FRAS1: variants seen among roughly 807,000 people sequenced by gnomAD.
The protein encoded by FRAS1 is extracellular matrix organizing protein FRAS1.
Under a neutral mutation model 435.2 loss-of-function variants are expected in FRAS1, and 290 were observed. The observed-to-expected ratio is 0.67, with a 90% CI of 0.61 to 0.73. The LOEUF (loss-of-function observed/expected upper bound fraction) is 0.73. Among genes scored for constraint, FRAS1 ranks in the 30% least tolerant of loss-of-function variants. The pLI, the probability that FRAS1 is intolerant of heterozygous loss-of-function variation, is 0.00. For synonymous variants in FRAS1, 1,800 were observed against 1,851.0 expected (o/e 0.97, Z 0.71); for missense variants, 4,860 against 5,001.5 (o/e 0.97, Z 0.85).
intron 63 of FRAS1, among the ~76,000 whole-genome samples, chr4:78,509,277 C>T (rs898971356): frequency 2.6e-5 from 4 of 152,218 alleles, no homozygotes; most frequent in Non-Finnish European, 2.9e-5. Flanking sequence ...CTCTGAGTCT[C>T]AGTCTCCTGA....
intron 15 of FRAS1, 55 bp downstream of exon 15, chr4:78,308,264 T>G: frequency 6.4e-7 from 1 of 1,564,116 alleles, no homozygotes; most frequent in Non-Finnish European, 8.7e-7. Context: ...TTCCAGCATC[T>G]CTTGTTGTAT....
chr4:78,237,451 T>C (rs1724807921), intron 2 of FRAS1, 59 bp from the exon 3 acceptor site: 12 of 1,213,822 alleles, frequency 9.9e-6, no homozygotes, highest in Non-Finnish European at 1.5e-5. Context: ...TGGTGCAGCT[T>C]TTGTGTGCTC....
At chr4:78,507,088 T>C (rs536952754) in intron 61 of FRAS1, among the ~76,000 whole-genome samples, 2 of 152,134 alleles carry the variant, frequency 1.3e-5, no homozygotes, top group East Asian at 3.9e-4. Flanking sequence ...AAAGAAAAAT[T>C]AAGCAAAAAA....
chr4:78,535,336 G>A (rs988222309), intron 71 of FRAS1, among the ~76,000 whole-genome samples: 4 of 152,166 alleles, frequency 2.6e-5, no homozygotes, highest in Non-Finnish European at 5.9e-5. Context: ...ACTGTTCTGC[G>A]GCCATTCCAT....
Position 78,466,398 on chromosome 4 carries a change from CA to C in FRAS1, c.7223del (p.Asn2408ThrfsTer14), listed in dbSNP as rs1353074407. The C allele has an allele frequency of 6.2e-7, 1 of 1,613,880 alleles. No homozygotes were observed. Among genetic ancestry groups the C allele is most frequent in the Non-Finnish European group, 8.5e-7 (1 of 1,179,818 alleles). Reference protein sequence around the residue: ...DRFTFTVSDGTNPFFIIEEGG... With the variant: ...DRFTFTVSDGXNPFFIIEEGG... ...TTCACCTTCACTGTTTCTGATGGGA[CA>C]AACCCCTTCTTTATCATTGAGGAAG... On this transcript the variant is annotated frameshift_variant, in exon 50 of 74. Coordinates refer to ENST00000512123, the MANE Select transcript of FRAS1 (RefSeq NM_025074.7). LOFTEE classifies it high-confidence loss of function.
At chr4:78,159,550 A>G (rs867814997) in intron 2 of FRAS1, among the ~76,000 whole-genome samples, 2 of 152,308 alleles carry the variant, frequency 1.3e-5, no homozygotes, top group Middle Eastern at 3.4e-3. Flanking sequence ...GTTTGCAGTA[A>G]TGATTCCAAA....
At chr4:78,460,215 G>T (rs769945936) in intron 47 of FRAS1, among the ~76,000 whole-genome samples, 2 of 152,192 alleles carry the variant, frequency 1.3e-5, no homozygotes, top group Non-Finnish European at 2.9e-5. Context: ...TTTCTTCAGA[G>T]ATGCTTTATT....
At chr4:78,255,161 A>C (rs1725732292) in intron 5 of FRAS1, 81 bp from the exon 6 acceptor site, 3 of 1,407,556 alleles carry the variant, frequency 2.1e-6, no homozygotes, top group East Asian at 2.5e-5. Flanking sequence ...GACCAACTGC[A>C]CTGGCTGCAC....
intron 8 of FRAS1, 40 bp from the exon 9 acceptor site, chr4:78,267,201 C>A: frequency 6.3e-7 from 1 of 1,591,964 alleles, no homozygotes; most frequent in South Asian, 1.1e-5. Flanking sequence ...GTTTCACCGT[C>A]TCCTGAGGAC....
At chr4:78,239,151 C>A (rs921361101) in intron 3 of FRAS1, among the ~76,000 whole-genome samples, 3 of 152,154 alleles carry the variant, frequency 2.0e-5, no homozygotes, top group African/African-American at 7.2e-5. Flanking sequence ...CAGAAAAAGT[C>A]TCCCATCTTT....
At chr4:78,191,379 T>A (rs1446932161) in intron 2 of FRAS1, among the ~76,000 whole-genome samples, 1 of 152,190 alleles carries the variant, frequency 6.6e-6, no homozygotes, top group Non-Finnish European at 1.5e-5. Flanking sequence ...TTTTGGATCA[T>A]CAGTTAAACC....
intron 30 of FRAS1, among the ~76,000 whole-genome samples, chr4:78,405,412 T>C (rs1234871021): frequency 6.6e-6 from 1 of 152,188 alleles, no homozygotes; most frequent in Non-Finnish European, 1.5e-5. Context: ...TGGAATTTTT[T>C]TCTACTTGAG....
At chr4:78,522,367 T>C (rs1308408456) in intron 68 of FRAS1, among the ~76,000 whole-genome samples, 1 of 152,186 alleles carries the variant, frequency 6.6e-6, no homozygotes, top group Non-Finnish European at 1.5e-5. Flanking sequence ...CCCCTATTAT[T>C]GTGAATATAC....
At chr4:78,537,358 C>T (rs1721917868) in intron 72 of FRAS1, among the ~76,000 whole-genome samples, 158 bp downstream of exon 72, 1 of 152,212 alleles carries the variant, frequency 6.6e-6, no homozygotes, top group Non-Finnish European at 1.5e-5. Flanking sequence ...AATACTAGTA[C>T]ATAGGTGGTA....
Position 78,333,268 on chromosome 4 carries a change from C to T in FRAS1, c.2138-4C>T, listed in dbSNP as rs761112583. Reference sequence around the variant, plus strand: ...TTGTCTCCTTTGCTTTATCTTTCCCCCAGCTTGCCACCAGTCCTGTTTCAG... The same window carrying T: ...TTGTCTCCTTTGCTTTATCTTTCCCTCAGCTTGCCACCAGTCCTGTTTCAG... On this transcript the variant is annotated splice_region_variant and splice_polypyrimidine_tract_variant and intron_variant, in intron 18 of 73. Coordinates refer to ENST00000512123, the MANE Select transcript of FRAS1 (RefSeq NM_025074.7). 2.5e-6 allele frequency: 4 copies of T among 1,600,312 alleles called. No individual in the cohort carries two copies. Among genetic ancestry groups the T allele is most frequent in the African/African-American group, 2.7e-5 (2 of 74,496 alleles).
intron 9 of FRAS1, among the ~76,000 whole-genome samples, chr4:78,275,127 A>AG (rs1726930499): frequency 6.6e-6 from 1 of 152,108 alleles, no homozygotes; most frequent in Non-Finnish European, 1.5e-5. Flanking sequence ...ATCAGAGACT[A>AG]GATTGCAACC....
At position 78,406,913 on chromosome 4, in the gene FRAS1, A is replaced by G. The variant is rs2110352273; in HGVS notation, c.4130-750A>G. ...CTCCAAAATCCATAACGTTGAAAGC[A>G]CTGACATGATGCCACAAGTGGAAAA... On this transcript the variant is annotated intron_variant, in intron 30 of 73. Coordinates refer to ENST00000512123, the MANE Select transcript of FRAS1 (RefSeq NM_025074.7). Among the ~76,000 whole-genome samples the G allele has an allele frequency of 1.3e-5, 2 of 152,330 alleles. 1 individual carries two copies. The highest frequency in any genetic ancestry group is 2.9e-5 in the Non-Finnish European group (2 of 68,036).
chr4:78,346,262 A>G (rs1730601942), intron 20 of FRAS1, among the ~76,000 whole-genome samples: 1 of 152,156 alleles, frequency 6.6e-6, no homozygotes, highest in South Asian at 2.1e-4. Context: ...CCCACTAATA[A>G]CTCATGTTTA....
In FRAS1 at chr4:78,057,641, C is replaced by G. The variant is rs2109833958; in HGVS notation, c.-369C>G. ...GTCGGGGACCCGGGATCGGAAGGGTCTAGCCCGAGGGAAATGCTGGAAGAT... is the reference window on the plus strand; with the variant it reads ...GTCGGGGACCCGGGATCGGAAGGGTGTAGCCCGAGGGAAATGCTGGAAGAT... On this transcript the variant is annotated 5_prime_UTR_variant, in exon 1 of 74. Transcript: ENST00000512123. The surrounding 1 kb of genome is among the most constrained non-coding windows in gnomAD (Gnocchi z 4.2). 1 of 309,780 alleles carries G rather than the reference C, an allele frequency of 3.2e-6. No homozygotes were observed. The highest frequency in any genetic ancestry group is 4.6e-5 in the Admixed American group (1 of 21,820). The allele number at this position is 309,780 out of a possible 1,614,324, so 19.2% of individuals were successfully genotyped here.
Sources: allele counts gnomAD v4.1 joint callset (sites outside exome capture counted in the v4.1 genomes callset), GRCh38; gene constraint gnomAD v4.1.1; non-coding constraint Gnocchi (gnomAD v3.1); transcripts MANE v1.5; gene names NCBI Gene and HGNC (gene_info 2026-07-23, HGNC 2026-07-21).